NRXN3: variants seen among roughly 807,000 people sequenced by gnomAD.
NRXN3 encodes neurexin III.
In NRXN3, 32 loss-of-function variants were observed where a neutral mutation model predicts 137.6. The observed-to-expected ratio is 0.23, with a 90% CI of 0.18 to 0.31. NRXN3 has a LOEUF of 0.31. Among genes scored for constraint, NRXN3 ranks in the 10% least tolerant of loss-of-function variants. NRXN3 has a pLI of 1.00. For synonymous variants in NRXN3, 798 were observed against 784.5 expected, an observed-to-expected ratio of 1.02 and a Z score of -0.29; for missense variants, 1,574 against 2,062.5, an observed-to-expected ratio of 0.76 and a Z score of 4.59.
At chr14:78,782,608 T>C (rs2098773942) in intron 8 of NRXN3, among the ~76,000 whole-genome samples, 2 of 152,206 alleles carry the variant, frequency 1.3e-5, no homozygotes, top group Admixed American at 1.3e-4. Context: ...CTAAGGACCT[T>C]CATAAAGTCA....
At chr14:79,292,135 A>G (rs2083304391) in intron 15 of NRXN3, among the ~76,000 whole-genome samples, 1 of 152,226 alleles carries the variant, frequency 6.6e-6, no homozygotes, top group Non-Finnish European at 1.5e-5. Context: ...AATGTAGAAC[A>G]GTTCCCGGAT....
At chr14:78,509,149 A>G (rs1157095610) in intron 4 of NRXN3, among the ~76,000 whole-genome samples, 1 of 152,072 alleles carries the variant, frequency 6.6e-6, no homozygotes, top group East Asian at 1.9e-4. Flanking sequence ...AAAATACAAA[A>G]ATTATTTGGC....
intron 4 of NRXN3, among the ~76,000 whole-genome samples, chr14:78,560,961 G>C (rs935426553): frequency 6.6e-6 from 1 of 152,160 alleles, no homozygotes; most frequent in Non-Finnish European, 1.5e-5. Context: ...TTCGCATCAT[G>C]GTGATTGTAT....
intron 4 of NRXN3, among the ~76,000 whole-genome samples, chr14:78,495,493 T>G (rs1255181541): frequency 6.6e-6 from 1 of 152,104 alleles, no homozygotes; most frequent in African/African-American, 2.4e-5. Flanking sequence ...GTGCCAGGCT[T>G]TACACTAATT....
At chr14:78,239,241 A>G (rs1342941280) in intron 1 of NRXN3, among the ~76,000 whole-genome samples, 1 of 152,212 alleles carries the variant, frequency 6.6e-6, no homozygotes, top group Non-Finnish European at 1.5e-5. Context: ...CCCATCAGCA[A>G]TCTGGTTCCA....
chr14:78,808,018 C>T (rs572529581), intron 9 of NRXN3, among the ~76,000 whole-genome samples: 6 of 151,482 alleles, frequency 4.0e-5, no homozygotes, highest in East Asian at 3.9e-4. Context: ...TGTATGTGTG[C>T]GTGTGTCTAT....
chr14:78,216,389 A>C (rs1200282872), intron 1 of NRXN3, among the ~76,000 whole-genome samples: 1 of 152,158 alleles, frequency 6.6e-6, no homozygotes, highest in African/African-American at 2.4e-5. Flanking sequence ...TCAGATGAGT[A>C]AACTGAGGTC....
At chr14:78,547,985 G>T (rs2096652258) in intron 4 of NRXN3, among the ~76,000 whole-genome samples, 1 of 152,112 alleles carries the variant, frequency 6.6e-6, no homozygotes, top group South Asian at 2.1e-4. Flanking sequence ...GATATATAAA[G>T]ATTATTTACT....
At chr14:79,165,550 C>T (rs188182492) in intron 15 of NRXN3, among the ~76,000 whole-genome samples, 167 of 152,124 alleles carry the variant, frequency 1.1e-3, no homozygotes, top group African/African-American at 3.7e-3. Context: ...TATGCAGACA[C>T]ACACAATCCA....
At chr14:78,498,139 A>G (rs1298964781) in intron 4 of NRXN3, among the ~76,000 whole-genome samples, 1 of 152,172 alleles carries the variant, frequency 6.6e-6, no homozygotes, top group East Asian at 1.9e-4. Context: ...TGCCCTGTAT[A>G]TATTTCATGG....
At chr14:78,592,172 C>A (rs1471902642) in intron 4 of NRXN3, among the ~76,000 whole-genome samples, 1 of 152,066 alleles carries the variant, frequency 6.6e-6, no homozygotes, top group African/African-American at 2.4e-5. Context: ...GGGGCTGAAG[C>A]TTTTCTACTA....
intron 10 of NRXN3, among the ~76,000 whole-genome samples, chr14:78,828,521 A>G (rs1356804483): frequency 3.3e-5 from 5 of 152,240 alleles, no homozygotes; most frequent in African/African-American, 1.2e-4. Context: ...AGCCATAGAC[A>G]ATGTCTAAAC....
rs563291987 is a variant in NRXN3, at chr14:78,529,933, G to A, written c.758-115187G>A. Reference sequence around the variant, plus strand: ...GGCTTTGCTCTGCACTGAATATTTAGCACTAGCATAGTTCTCTGCTGTACA... The same window carrying A: ...GGCTTTGCTCTGCACTGAATATTTAACACTAGCATAGTTCTCTGCTGTACA... On this transcript the variant is annotated intron_variant, in intron 4 of 20. Coordinates refer to ENST00000335750, the MANE Select transcript of NRXN3 (RefSeq NM_001330195.2). 7.2e-5 allele frequency among the ~76,000 whole-genome samples: 11 copies of A among 152,314 alleles called. No individual in the cohort carries two copies. In the East Asian group the frequency reaches 1.9e-3, roughly 27 times the overall value.
chr14:78,804,905 G>A (rs979243770), intron 9 of NRXN3, among the ~76,000 whole-genome samples: 2 of 152,178 alleles, frequency 1.3e-5, no homozygotes. Context: ...CGTAGAATAT[G>A]TTTGGATACA....
chr14:79,769,552 A>C (rs2099069321), intron 19 of NRXN3, among the ~76,000 whole-genome samples: 1 of 152,096 alleles, frequency 6.6e-6, no homozygotes, highest in Non-Finnish European at 1.5e-5. Flanking sequence ...GAAATAAAAT[A>C]CTTTACAGAC....
At chr14:78,955,033 T>C (rs911211593) in intron 10 of NRXN3, among the ~76,000 whole-genome samples, 5 of 152,110 alleles carry the variant, frequency 3.3e-5, no homozygotes, top group African/African-American at 1.2e-4. Context: ...GCTTATCTTG[T>C]CCCCAATCAT....
At position 79,045,137 on chromosome 14, in the gene NRXN3, C is replaced by T. The variant is rs79102630; in HGVS notation, c.3262+56996C>T. ...ATGAGACAATCCTACTCCCCCAATC[C>T]CCGTTTTCTGTTTATTTGTTTGATT... On this transcript the variant is annotated intron_variant, in intron 15 of 20. Transcript: ENST00000335750. Among the ~76,000 whole-genome samples, 626 of 152,168 alleles carry T rather than the reference C, an allele frequency of 4.1e-3. 3 individuals carry two copies. Among genetic ancestry groups the T allele is most frequent in the African/African-American group, 0.014 (596 of 41,520 alleles).
At chr14:78,942,827 G>A (rs747436344) in intron 10 of NRXN3, among the ~76,000 whole-genome samples, 1 of 152,080 alleles carries the variant, frequency 6.6e-6, no homozygotes, top group Non-Finnish European at 1.5e-5. Flanking sequence ...TAATCACCCT[G>A]ATCTGATCAA....
At chr14:79,742,510 T>C (rs2098966444) in intron 19 of NRXN3, among the ~76,000 whole-genome samples, 1 of 152,154 alleles carries the variant, frequency 6.6e-6, no homozygotes, top group Admixed American at 6.6e-5. Flanking sequence ...TTTCAGAATC[T>C]CTCCACCTAT....
Sources: allele counts gnomAD v4.1 joint callset (sites outside exome capture counted in the v4.1 genomes callset), GRCh38; gene constraint gnomAD v4.1.1; transcripts MANE v1.5; gene names NCBI Gene and HGNC (gene_info 2026-07-23, HGNC 2026-07-21).